FBN2: variants seen among roughly 807,000 people sequenced by gnomAD.
FBN2 encodes the protein fibrillin 2.
A neutral mutation model predicts 355.6 loss-of-function variants in FBN2; 105 were observed. The ratio of observed to expected loss-of-function variants is 0.30; its 90% confidence interval spans 0.25 to 0.35. The LOEUF (loss-of-function observed/expected upper bound fraction) is 0.35. Among genes scored for constraint, FBN2 ranks in the 10% least tolerant of loss-of-function variants. The probability of loss-of-function intolerance (pLI) is 1.00; values close to 1 mark genes in which losing one functional copy is unlikely to be tolerated. For synonymous variants in FBN2, 1,350 were observed against 1,301.2 expected, an observed-to-expected ratio of 1.04 and a Z score of -0.81; for missense variants, 3,280 against 3,758.7, an observed-to-expected ratio of 0.87 and a Z score of 3.33.
chr5:128,407,448 A>G (rs1385957007), intron 8 of FBN2, among the ~76,000 whole-genome samples: 1 of 152,108 alleles, frequency 6.6e-6, no homozygotes, highest in Non-Finnish European at 1.5e-5. Context: ...AGTGTAGAGA[A>G]GATGGTAGCT....
chr5:128,263,080 T>A (rs1453088999), intron 63 of FBN2, among the ~76,000 whole-genome samples: 1 of 152,226 alleles, frequency 6.6e-6, no homozygotes, highest in Non-Finnish European at 1.5e-5. Flanking sequence ...CACTTCTACC[T>A]CACAGCCCAG....
intron 6 of FBN2, among the ~76,000 whole-genome samples, chr5:128,448,273 A>G (rs1754128002): frequency 6.6e-6 from 1 of 152,004 alleles, no homozygotes; most frequent in South Asian, 2.1e-4. Flanking sequence ...TTTCCTGCCA[A>G]TACATGATAT....
intron 4 of FBN2, among the ~76,000 whole-genome samples, chr5:128,520,677 G>A (rs546684445): frequency 1.9e-4 from 29 of 152,210 alleles, no homozygotes; most frequent in African/African-American, 6.0e-4. Flanking sequence ...AGACTAAAAC[G>A]CACTTGGAAA....
intron 48 of FBN2, among the ~76,000 whole-genome samples, chr5:128,294,413 A>G (rs1363821406): frequency 6.6e-6 from 1 of 152,164 alleles, no homozygotes; most frequent in East Asian, 1.9e-4. Flanking sequence ...GAATCGCCAC[A>G]CTGACTTCCA....
chr5:128,528,244 G>A (rs1283960909), intron 3 of FBN2, among the ~76,000 whole-genome samples: 1 of 152,112 alleles, frequency 6.6e-6, no homozygotes, highest in Admixed American at 6.5e-5. Flanking sequence ...TTTCTGGAAA[G>A]CAGGAGGCAC....
Position 128,289,963 on chromosome 5 carries a change from C to T in FBN2, c.6446-16G>A. On this transcript the variant is annotated splice_polypyrimidine_tract_variant and intron_variant, in intron 50 of 64. Transcript: ENST00000262464. ...TGAAATGCAACTACAAAGAAAAATA[C>T]AAATTCTCCATTATTGAAGACTTGA... 1 of 1,511,654 alleles carries T rather than the reference C, an allele frequency of 6.6e-7. No individual in the cohort carries two copies. Among genetic ancestry groups the T allele is most frequent in the Non-Finnish European group, 9.2e-7 (1 of 1,087,418 alleles). 93.6% of individuals were successfully genotyped at this position (1,511,654 alleles called of 1,614,324 possible).
At chr5:128,389,150 T>C (rs192584408) in intron 11 of FBN2, among the ~76,000 whole-genome samples, 3 of 152,368 alleles carry the variant, frequency 2.0e-5, no homozygotes, top group Non-Finnish European at 4.4e-5. Context: ...GATTGTATTA[T>C]GAAATTCTTG....
chr5:128,259,460 A>T lies in FBN2; in HGVS notation c.8734T>A (p.Tyr2912Asn), dbSNP rs369356700. The change falls in exon 65 of 65, where the codon TAT (tyrosine) becomes AAT (asparagine). Residue 2912 changes from tyrosine to asparagine, a missense_variant. This residue lies in a region of FBN2 where 311 missense variants were observed against 319.1 expected (regional missense o/e 0.97). Coordinates refer to ENST00000262464, the MANE Select transcript of FBN2 (RefSeq NM_001999.4). The part of the protein sequence containing the change: ...ALRMRLQIQL[Y>N] ...GGGCCCAAGTCTGTGAAGGGTTAAT[A>T]GAGCTGAATCTGCAGCCTCATTCTG... The T allele has an allele frequency of 6.2e-7, 1 of 1,613,170 alleles. No homozygotes were observed. The highest frequency in any genetic ancestry group is 1.3e-5 in the African/African-American group (1 of 75,048).
chr5:128,523,408 C>A (rs1239208099), intron 4 of FBN2, among the ~76,000 whole-genome samples: 1 of 152,110 alleles, frequency 6.6e-6, no homozygotes, highest in Non-Finnish European at 1.5e-5. Flanking sequence ...TCTTCCCCAT[C>A]TCACAATGTT....
chr5:128,416,558 C>A (rs1474319508), intron 7 of FBN2, among the ~76,000 whole-genome samples: 1 of 152,142 alleles, frequency 6.6e-6, no homozygotes, highest in Non-Finnish European at 1.5e-5. Context: ...ATGTTTAGGT[C>A]TTTAATCCAT....
At chr5:128,319,065 T>G in intron 34 of FBN2, 64 bp from the exon 35 acceptor site, 1 of 1,333,400 alleles carries the variant, frequency 7.5e-7, no homozygotes, top group Non-Finnish European at 1.1e-6. Context: ...TAATGTAATG[T>G]CTAACATTAG....
intron 33 of FBN2, 39 bp from the exon 34 acceptor site, chr5:128,328,860 A>T: frequency 6.2e-7 from 1 of 1,611,656 alleles, no homozygotes; most frequent in Non-Finnish European, 8.5e-7. Context: ...TTAAGTTCCA[A>T]ATTTCATGAC....
chr5:128,519,947 A>C (rs1756387206), intron 4 of FBN2, among the ~76,000 whole-genome samples: 1 of 152,212 alleles, frequency 6.6e-6, no homozygotes, highest in Non-Finnish European at 1.5e-5. Context: ...AATACCATCA[A>C]CGTTAGCTAT....
At position 128,419,418 on chromosome 5, in the gene FBN2, A is replaced by T. The variant is rs77203094; in HGVS notation, c.953-10619T>A. Among the ~76,000 whole-genome samples the T allele has an allele frequency of 7.3e-3, 1,119 of 152,296 alleles. 13 individuals carry two copies. The highest frequency in any genetic ancestry group is 0.025 in the African/African-American group (1,052 of 41,584). On this transcript the variant is annotated intron_variant, in intron 7 of 64. Coordinates refer to ENST00000262464, the MANE Select transcript of FBN2 (RefSeq NM_001999.4). ...TAGGGAAAGCATTAATTCTTTCACC[A>T]TTAAGTATGATGTTAGTTGTAGTTT...
In FBN2 at chr5:128,465,988, G is replaced by C. The variant is rs1032760594; in HGVS notation, c.629-1067C>G. Among the ~76,000 whole-genome samples the C allele has an allele frequency of 2.6e-5, 4 of 152,270 alleles. No individual in the cohort carries two copies. The East Asian group carries it at 7.7e-4, about 29-fold the overall frequency. On this transcript the variant is annotated intron_variant, in intron 5 of 64. Coordinates refer to ENST00000262464, the MANE Select transcript of FBN2 (RefSeq NM_001999.4). Reference sequence around the variant, plus strand: ...GGGCTGATATAGACTGCAGGCAGTTGGAAAGTTAGCCCTGGGTATTTCTGC... The same window carrying C: ...GGGCTGATATAGACTGCAGGCAGTTCGAAAGTTAGCCCTGGGTATTTCTGC...
At chr5:128,456,020 A>AAAAAAAAAC (rs1420577285) in intron 6 of FBN2, among the ~76,000 whole-genome samples, 1 of 148,590 alleles carries the variant, frequency 6.7e-6, no homozygotes, top group African/African-American at 2.5e-5. Flanking sequence ...AAAAAAAAAA[A>AAAAAAAAAC]AAAGCAACTG....
chr5:128,370,990 G>A (rs564944306), intron 15 of FBN2: 1 of 152,238 alleles, frequency 6.6e-6, no homozygotes, highest in South Asian at 2.1e-4. Flanking sequence ...GATACAGTTT[G>A]TATAGTAAAT....
intron 7 of FBN2, among the ~76,000 whole-genome samples, chr5:128,437,354 TATA>T (rs1455587933): frequency 6.6e-6 from 1 of 152,198 alleles, no homozygotes; most frequent in Non-Finnish European, 1.5e-5. Flanking sequence ...ATCATATCAT[TATA>T]ATATGAAGTG....
chr5:128,352,925 C>A (rs1271635064), intron 20 of FBN2, among the ~76,000 whole-genome samples: 1 of 152,138 alleles, frequency 6.6e-6, no homozygotes, highest in Non-Finnish European at 1.5e-5. Context: ...ATAATCCCAG[C>A]ACTTTGGGAG....
Sources: gnomAD v4.1 joint callset for allele counts (sites outside exome capture counted in the v4.1 genomes callset) on GRCh38, gnomAD v4.1.1 for gene constraint, gnomAD v4.1.1 regional missense constraint, MANE v1.5 for transcripts, NCBI Gene and HGNC (gene_info 2026-07-23, HGNC 2026-07-21) for gene names.